The following HIBADH variants were observed in gnomAD, a reference collection of about 807,000 sequenced individuals.
HIBADH encodes the protein 3-hydroxyisobutyrate dehydrogenase, mitochondrial.
Under a neutral mutation model 36.1 loss-of-function variants are expected in HIBADH, and 25 were observed. That is an observed-to-expected ratio of 0.69 (90% confidence interval 0.50 to 0.97). The LOEUF (loss-of-function observed/expected upper bound fraction) is 0.97, where lower values mean the gene tolerates loss of function less well. Ranked by LOEUF, HIBADH falls within the 50% of genes least tolerant of loss-of-function variation. The probability of loss-of-function intolerance (pLI) is 0.00; values close to 1 mark genes in which losing one functional copy is unlikely to be tolerated. For missense variants in HIBADH, 421 were observed against 418.0 expected, an observed-to-expected ratio of 1.01 and a Z score of -0.06; for synonymous variants, 160 against 149.5, an observed-to-expected ratio of 1.07 and a Z score of -0.51.
chr7:27,531,147 G>T, intron 7 of HIBADH, 45 bp downstream of exon 7: 1 of 1,536,376 alleles, frequency 6.5e-7, no homozygotes, highest in Non-Finnish European at 8.8e-7. Flanking sequence ...TTATTGGACC[G>T]TGAAACGTTT....
intron 4 of HIBADH, among the ~76,000 whole-genome samples, chr7:27,612,496 T>C (rs1326298495): frequency 6.6e-6 from 1 of 151,976 alleles, no homozygotes; most frequent in Non-Finnish European, 1.5e-5. Context: ...AGATACTTTT[T>C]ATTTTTTAGT....
rs746960575 is a variant in HIBADH at position 27,526,217 on chromosome 7, G to A, written c.1008C>T (p.Phe336=). The A allele has an allele frequency of 1.2e-6, 2 of 1,608,514 alleles. No individual in the cohort carries two copies. Among genetic ancestry groups the A allele is most frequent in the South Asian group, 2.2e-5 (2 of 89,940 alleles). ...TGTCCGTGGCCAAAGGGCACACTCA[G>A]AAGGTCTCCTCCTCTCGTAGGAACT... The part of the protein sequence containing the change: ...VFQFLREEET[F] The change falls in exon 8 of 8, where the codon TTC becomes TTT. Residue 336 remains phenylalanine, a synonymous_variant. Transcript: ENST00000265395.
chr7:27,538,246 CATTT>C, intron 6 of HIBADH, 91 bp downstream of exon 6: 1 of 937,574 alleles, frequency 1.1e-6, no homozygotes, highest in Non-Finnish European at 1.6e-6. Context: ...TGGATCAACT[CATTT>C]ATCTCTCATG....
At chr7:27,644,880 T>G (rs1375620423) in intron 2 of HIBADH, among the ~76,000 whole-genome samples, 1 of 152,222 alleles carries the variant, frequency 6.6e-6, no homozygotes, top group Non-Finnish European at 1.5e-5. Context: ...CTATATAGAC[T>G]TCCTTATTCT....
chr7:27,604,298 A>G (rs1270702828), intron 4 of HIBADH, among the ~76,000 whole-genome samples: 1 of 152,186 alleles, frequency 6.6e-6, no homozygotes, highest in African/African-American at 2.4e-5. Flanking sequence ...ATGTATGCAT[A>G]TCATTACATG....
chr7:27,586,595 ACT>A (rs1485288598), intron 4 of HIBADH, among the ~76,000 whole-genome samples: 1 of 150,184 alleles, frequency 6.7e-6, no homozygotes, highest in Non-Finnish European at 1.5e-5. Context: ...TTACTTTTTA[ACT>A]CTGTTCTTGA....
intron 2 of HIBADH, among the ~76,000 whole-genome samples, chr7:27,647,269 G>C (rs1325063228): frequency 1.3e-5 from 2 of 152,180 alleles, no homozygotes; most frequent in African/African-American, 4.8e-5. Flanking sequence ...TTCACATCCA[G>C]GTTGGGACAG....
chr7:27,594,083 T>C lies in HIBADH; in HGVS notation c.484+35288A>G, dbSNP rs970207459. On this transcript the variant is annotated intron_variant, in intron 4 of 7. Coordinates refer to ENST00000265395, the MANE Select transcript of HIBADH (RefSeq NM_152740.4). Reference sequence around the variant, plus strand: ...AAAATAATACCAGCAACAACAAAGATAAAAAGACTTTGGAATAAGCTGTTG... The same window carrying C: ...AAAATAATACCAGCAACAACAAAGACAAAAAGACTTTGGAATAAGCTGTTG... Among the ~76,000 whole-genome samples, 5 of 149,286 alleles carry C rather than the reference T, an allele frequency of 3.3e-5. No individual in the cohort carries two copies. The East Asian group carries it at 9.7e-4, about 29-fold the overall frequency.
chr7:27,601,216 C>T (rs1237418883), intron 4 of HIBADH, among the ~76,000 whole-genome samples: 1 of 152,000 alleles, frequency 6.6e-6, no homozygotes, highest in Admixed American at 6.6e-5. Flanking sequence ...ATTACACACA[C>T]CTCACACTCT....
At chr7:27,621,707 G>A (rs989077119) in intron 4 of HIBADH, among the ~76,000 whole-genome samples, 9 of 152,114 alleles carry the variant, frequency 5.9e-5, no homozygotes, top group African/African-American at 2.2e-4. Flanking sequence ...CAGAAGAATC[G>A]CTTGAACCTG....
At chr7:27,574,968 C>T (rs1353955156) in intron 4 of HIBADH, among the ~76,000 whole-genome samples, 1 of 152,182 alleles carries the variant, frequency 6.6e-6, no homozygotes, top group Non-Finnish European at 1.5e-5. Flanking sequence ...GGCAAGCTGA[C>T]TACTATTCTT....
At chr7:27,527,153 G>A (rs1376048743) in intron 7 of HIBADH, among the ~76,000 whole-genome samples, 1 of 152,100 alleles carries the variant, frequency 6.6e-6, no homozygotes, top group African/African-American at 2.4e-5. Flanking sequence ...AGGAGAGGGG[G>A]ATGGGAAAGA....
intron 4 of HIBADH, among the ~76,000 whole-genome samples, chr7:27,601,966 T>G (rs1213811130): frequency 1.3e-5 from 2 of 152,010 alleles, no homozygotes; most frequent in Non-Finnish European, 2.9e-5. Flanking sequence ...AAAAAGTATT[T>G]TTCTCTATTT....
intron 4 of HIBADH, among the ~76,000 whole-genome samples, chr7:27,561,685 C>T (rs1784470406): frequency 6.6e-6 from 1 of 152,074 alleles, no homozygotes; most frequent in Non-Finnish European, 1.5e-5. Flanking sequence ...TGATCATCAA[C>T]TGAGAGAAGT....
intron 1 of HIBADH, among the ~76,000 whole-genome samples, chr7:27,654,777 T>C (rs1786267388): frequency 6.6e-6 from 1 of 151,626 alleles, no homozygotes; most frequent in Non-Finnish European, 1.5e-5. Flanking sequence ...CAGCCTCAAC[T>C]TCCCAAGCTC....
chr7:27,578,675 T>C (rs902642049), intron 4 of HIBADH, among the ~76,000 whole-genome samples: 5 of 152,314 alleles, frequency 3.3e-5, no homozygotes, highest in South Asian at 2.1e-4. Context: ...AGAGCGCATA[T>C]TGGACACTGA....
intron 4 of HIBADH, among the ~76,000 whole-genome samples, chr7:27,559,326 TA>T (rs1784434176): frequency 2.0e-5 from 3 of 152,112 alleles, no homozygotes; most frequent in Admixed American, 1.3e-4. Context: ...AACCACAGCT[TA>T]AAACTGTATT....
At chr7:27,562,837 T>C (rs1229302351) in intron 4 of HIBADH, among the ~76,000 whole-genome samples, 1 of 152,262 alleles carries the variant, frequency 6.6e-6, no homozygotes, top group African/African-American at 2.4e-5. Flanking sequence ...GTTCTTTTAA[T>C]GTACATCTCT....
intron 1 of HIBADH, among the ~76,000 whole-genome samples, chr7:27,653,121 T>TC (rs937203651): frequency 1.3e-5 from 2 of 151,702 alleles, no homozygotes; most frequent in Non-Finnish European, 2.9e-5. Flanking sequence ...AGAGCGAGAC[T>TC]CCGTCTCAAA....
Sources: gnomAD v4.1 joint callset for allele counts (sites outside exome capture counted in the v4.1 genomes callset) on GRCh38, gnomAD v4.1.1 for gene constraint, MANE v1.5 for transcripts, NCBI Gene and HGNC (gene_info 2026-07-23, HGNC 2026-07-21) for gene names.